CPLANE1: variants seen among roughly 807,000 people sequenced by gnomAD.
The protein encoded by CPLANE1 is ciliogenesis and planar polarity effector 1.
Under a neutral mutation model 362.5 loss-of-function variants are expected in CPLANE1, and 263 were observed. The observed-to-expected ratio is 0.73, with a 90% CI of 0.66 to 0.80. The LOEUF is 0.80. Among genes scored for constraint, CPLANE1 ranks in the 30% least tolerant of loss-of-function variants. The pLI, the probability that CPLANE1 is intolerant of heterozygous loss-of-function variation, is 0.00. For missense variants in CPLANE1, 3,461 were observed against 3,793.4 expected (o/e 0.91, Z 2.30); for synonymous variants, 1,212 against 1,302.6 (o/e 0.93, Z 1.50).
chr5:37,154,660 G>A (rs1404574327), intron 41 of CPLANE1, among the ~76,000 whole-genome samples: 1 of 151,538 alleles, frequency 6.6e-6, no homozygotes, highest in African/African-American at 2.4e-5. Context: ...TCACTGTATT[G>A]CTCATACTTC....
At chr5:37,211,078 G>T (rs924020470) in intron 16 of CPLANE1, 3 of 897,024 alleles carry the variant, frequency 3.3e-6, no homozygotes, top group Non-Finnish European at 5.7e-6. Flanking sequence ...TCTGCCAATG[G>T]ATTAATAAAT....
chr5:37,235,274 C>G (rs1798697940), intron 8 of CPLANE1, among the ~76,000 whole-genome samples: 1 of 151,802 alleles, frequency 6.6e-6, no homozygotes, highest in Non-Finnish European at 1.5e-5. Flanking sequence ...TATATTTAAC[C>G]AAGAAGGTAA....
Position 37,169,451 on chromosome 5 carries a change from A to T in CPLANE1, c.6573T>A (p.Pro2191=). The T allele has an allele frequency of 2.5e-6, 4 of 1,614,192 alleles. No individual in the cohort carries two copies. The East Asian group carries it at 6.7e-5, about 27-fold the overall frequency. Residue 2191 remains proline, a synonymous_variant, in exon 34 of 53, where the codon CCT becomes CCA. Transcript: ENST00000651892. ...AAAGGTAGAGGTGAGTATTTCCAGCAGGAGCTGGATAAAACGAAGTGGATG... is the reference window on the plus strand; with the variant it reads ...AAAGGTAGAGGTGAGTATTTCCAGCTGGAGCTGGATAAAACGAAGTGGATG... The part of the protein sequence containing the change: ...NLPSTSFYPA[P]AGNTHLYLLS...
In CPLANE1 at chr5:37,212,313, C is replaced by T. The variant is rs563372675; in HGVS notation, c.2920+1246G>A. The T allele has an allele frequency of 4.5e-5, 42 of 926,098 alleles. No homozygotes were observed. In the South Asian group the frequency reaches 5.2e-4, roughly 11 times the overall value. The allele number at this position is 926,098 out of a possible 1,614,324, so 57.4% of individuals were successfully genotyped here. On this transcript the variant is annotated intron_variant, in intron 16 of 52. Coordinates refer to ENST00000651892, the MANE Select transcript of CPLANE1 (RefSeq NM_001384732.1). ...CCAGGAAGGCTCCCTAGTGGACACA[C>T]TGCAATGTAGTGACAAAGTCGAAAG...
At chr5:37,212,494 CCA>C in intron 16 of CPLANE1, 1 of 537,998 alleles carries the variant, frequency 1.9e-6, no homozygotes, top group Non-Finnish European at 3.4e-6. Context: ...AATGTGTAAT[CCA>C]AAAAAAAAAA....
downstream of CPLANE1, among the ~76,000 whole-genome samples, chr5:37,101,489 G>T (rs1000282761): frequency 6.6e-6 from 1 of 152,146 alleles, no homozygotes; most frequent in African/African-American, 2.4e-5. Context: ...ATGTGCTGCT[G>T]GATTTGGTTT....
At chr5:37,125,554 C>A in intron 46 of CPLANE1, 145 bp from the exon 47 acceptor site, 1 of 672,954 alleles carries the variant, frequency 1.5e-6, no homozygotes, top group South Asian at 2.1e-5. Flanking sequence ...TCAACTCACT[C>A]CAATTTGTTA....
At chr5:37,146,792 A>G (rs1771751599) in intron 43 of CPLANE1, among the ~76,000 whole-genome samples, 1 of 152,168 alleles carries the variant, frequency 6.6e-6, no homozygotes, top group Non-Finnish European at 1.5e-5. Context: ...TCTGCCTTCT[A>G]TTAAAATAGT....
chr5:37,238,025 TA>T (rs1799399812), intron 8 of CPLANE1, among the ~76,000 whole-genome samples: 1 of 152,102 alleles, frequency 6.6e-6, no homozygotes, highest in African/African-American at 2.4e-5. Context: ...CAAAAAACTT[TA>T]AAAAAATTAG....
At chr5:37,132,706 T>C (rs901518477) in intron 46 of CPLANE1, among the ~76,000 whole-genome samples, 4 of 152,132 alleles carry the variant, frequency 2.6e-5, no homozygotes. Flanking sequence ...GCAAAGGTTG[T>C]GAATATTTTC....
Position 37,245,297 on chromosome 5 carries a change from CTATATATATATATA to C in CPLANE1, c.337+168_337+181del, listed in dbSNP as rs57781968. The stretch of plus-strand genomic sequence containing the variant: ...GTATCACAGATAAACATAACCAAAA[CTATATATATATATA>C]TATATATATATATATATATATATAT... On this transcript the variant is annotated intron_variant, in intron 4 of 52. Coordinates refer to ENST00000651892, the MANE Select transcript of CPLANE1 (RefSeq NM_001384732.1). Among the ~76,000 whole-genome samples the C allele has an allele frequency of 0.065, 3,882 of 59,532 alleles. 178 individuals carry two copies. Among genetic ancestry groups the C allele is most frequent in the African/African-American group, 0.078 (1,400 of 18,004 alleles). The allele number at this position is 59,532 out of a possible 152,430, so 39.1% of individuals were successfully genotyped here. A position where few individuals can be genotyped will look rare whatever the true frequency, so the allele number is the denominator to read the frequency against.
intron 44 of CPLANE1, chr5:37,140,087 C>G (rs1769203628): frequency 3.3e-6 from 3 of 913,068 alleles, no homozygotes; most frequent in South Asian, 5.1e-5. Flanking sequence ...ATTTTTAAGT[C>G]TTGTCCAGTA....
Position 37,170,221 on chromosome 5 carries a change from T to C in CPLANE1, c.6282A>G (p.Glu2094=), listed in dbSNP as rs770521160. 2.5e-6 allele frequency: 4 copies of C among 1,614,194 alleles called. No individual in the cohort carries two copies. Among genetic ancestry groups the C allele is most frequent in the Non-Finnish European group, 3.4e-6 (4 of 1,180,032 alleles). ...VQQSQSVHLG[E]SQESNLRGCG... ...ATCCTCTTAGGTTTGATTCTTGGCTTTCCCCTAAATGCACAGACTGAGACT... is the reference window on the plus strand; with the variant it reads ...ATCCTCTTAGGTTTGATTCTTGGCTCTCCCCTAAATGCACAGACTGAGACT... The change falls in exon 33 of 53, where the codon GAA becomes GAG. Residue 2094 remains glutamate, a synonymous_variant. Transcript: ENST00000651892.
chr5:37,174,119 C>T (rs892197495), intron 31 of CPLANE1, among the ~76,000 whole-genome samples, 172 bp from the exon 32 acceptor site: 5 of 152,096 alleles, frequency 3.3e-5, no homozygotes, highest in Admixed American at 2.0e-4. Flanking sequence ...CCCGTCAGCC[C>T]CCCAGACACA....
intron 23 of CPLANE1, 81 bp downstream of exon 23, chr5:37,187,333 T>G: frequency 1.7e-6 from 2 of 1,184,234 alleles, no homozygotes; most frequent in Non-Finnish European, 2.4e-6. Flanking sequence ...AAAGGCAACA[T>G]CATCCTTAAT....
intron 43 of CPLANE1, among the ~76,000 whole-genome samples, chr5:37,145,197 TG>T (rs1561395332): frequency 6.6e-6 from 1 of 151,894 alleles, no homozygotes; most frequent in Non-Finnish European, 1.5e-5. Flanking sequence ...CCCAGTTACT[TG>T]GGGGGCTGAG....
intron 14 of CPLANE1, among the ~76,000 whole-genome samples, chr5:37,222,891 CTA>C (rs1161404386): frequency 2.6e-5 from 4 of 152,214 alleles, no homozygotes; most frequent in Non-Finnish European, 4.4e-5. Context: ...ACCCACGCCC[CTA>C]TGTCATAGTC....
chr5:37,128,130 A>T (rs548884483), intron 46 of CPLANE1, among the ~76,000 whole-genome samples: 1 of 152,334 alleles, frequency 6.6e-6, no homozygotes, highest in East Asian at 1.9e-4. Flanking sequence ...AGATATTTTT[A>T]TTACAAAAAA....
chr5:37,241,240 G>T (rs1028984200), intron 6 of CPLANE1, among the ~76,000 whole-genome samples: 2 of 152,166 alleles, frequency 1.3e-5, no homozygotes, highest in East Asian at 1.9e-4. Flanking sequence ...GATCATTTGA[G>T]GTCAGGGGTT....
Sources: allele counts gnomAD v4.1 joint callset (sites outside exome capture counted in the v4.1 genomes callset), GRCh38; gene constraint gnomAD v4.1.1; transcripts MANE v1.5; gene names NCBI Gene and HGNC (gene_info 2026-07-23, HGNC 2026-07-21).